ENDOV: variants seen among roughly 807,000 people sequenced by gnomAD.
The protein encoded by ENDOV is endonuclease V.
Under a neutral mutation model 39.4 loss-of-function variants are expected in ENDOV, and 37 were observed. The ratio of observed to expected loss-of-function variants is 0.94; its 90% CI spans 0.72 to 1.23. The LOEUF (loss-of-function observed/expected upper bound fraction) is 1.23. ENDOV is among the 50% of genes most tolerant of loss of function. The pLI is 0.00. For synonymous variants in ENDOV, 186 were observed against 163.4 expected (o/e 1.14, Z -1.05); for missense variants, 441 against 375.7 (o/e 1.17, Z -1.44).
chr17:80,425,711 C>G, intron 7 of ENDOV, 91 bp downstream of exon 7: 1 of 1,513,460 alleles, frequency 6.6e-7, no homozygotes, highest in Non-Finnish European at 8.8e-7. Context: ...CAGCTGGGGT[C>G]AGAGTGCAGT....
chr17:80,419,966 T>G (rs2081772042), intron 2 of ENDOV: 1 of 363,614 alleles, frequency 2.8e-6, no homozygotes, highest in Non-Finnish European at 5.1e-6. Context: ...ATTTTTCTTT[T>G]CCCAGATTTT....
At chr17:80,427,789 G>A (rs1378143926) in intron 7 of ENDOV, 1 of 1,289,010 alleles carries the variant, frequency 7.8e-7, no homozygotes, top group Non-Finnish European at 1.0e-6. Flanking sequence ...AGGCGCTGCG[G>A]CGCTCCTGGT....
Position 80,432,381 on chromosome 17 carries a change from C to T in ENDOV, c.838+2550C>T, listed in dbSNP as rs111885773. On this transcript the variant is annotated intron_variant, in intron 9 of 9. Coordinates refer to ENST00000518137, the MANE Select transcript of ENDOV (RefSeq NM_173627.5). ...TGGCAAGGATCTGCCTCCCAGCACC[C>T]CTGTGGAGTCCTGTCTGGATGGGAG... Among the ~76,000 whole-genome samples the T allele has an allele frequency of 9.6e-3, 1,458 of 152,140 alleles. 13 individuals carry two copies. Among genetic ancestry groups the T allele is most frequent in the Non-Finnish European group, 0.016 (1,072 of 67,968 alleles).
At chr17:80,419,932 G>GC in intron 2 of ENDOV, 2 of 472,256 alleles carry the variant, frequency 4.2e-6, no homozygotes, top group South Asian at 6.4e-5. Context: ...ATCCAGACCT[G>GC]CCCCCTACGC....
At chr17:80,427,945 G>A (rs1022564045) in intron 7 of ENDOV, 12 of 1,123,942 alleles carry the variant, frequency 1.1e-5, no homozygotes, top group South Asian at 4.5e-5. Context: ...TCCATGAGTC[G>A]TGCAGCCCTG....
chr17:80,421,794 T>C (rs1240102099), intron 2 of ENDOV, 34 bp from the exon 3 acceptor site: 2 of 1,573,410 alleles, frequency 1.3e-6, no homozygotes, highest in Non-Finnish European at 1.7e-6. Context: ...GGCCGAAGGC[T>C]GTGCTTCCCA....
chr17:80,430,724 G>T (rs2083282695), intron 9 of ENDOV, among the ~76,000 whole-genome samples: 1 of 152,210 alleles, frequency 6.6e-6, no homozygotes, highest in Admixed American at 6.5e-5. Context: ...TGGGTGCCAG[G>T]CTCTGTGCCC....
Position 80,415,742 on chromosome 17 carries a change from G to T in ENDOV, c.149G>T (p.Gly50Val), listed in dbSNP as rs1474118673. Residue 50 changes from glycine (G) to valine (V), a missense_variant, in exon 2 of 10, where the codon GGC (glycine) becomes GTC (valine). Coordinates refer to ENST00000518137, the MANE Select transcript of ENDOV (RefSeq NM_173627.5). ...TTCTCGGGTCTGCAGAGGGTCGGGG[G>T]CGTTGACGTGTCCTTCGTGAAAGGG... ...PAFSGLQRVGGVDVSFVKGDS... is the reference protein window; with the variant it reads ...PAFSGLQRVGVVDVSFVKGDS... 2 of 1,607,138 alleles carry T rather than the reference G, an allele frequency of 1.2e-6. No homozygotes were observed. The highest frequency in any genetic ancestry group is 1.3e-5 in the African/African-American group (1 of 74,836).
chr17:80,432,615 A>T (rs1397082942), intron 9 of ENDOV, among the ~76,000 whole-genome samples: 1 of 151,928 alleles, frequency 6.6e-6, no homozygotes, highest in African/African-American at 2.4e-5. Context: ...CGCTCTGGGG[A>T]CCCCTCATGC....
chr17:80,425,779 C>T (rs2082623620), intron 7 of ENDOV, among the ~76,000 whole-genome samples, 159 bp downstream of exon 7: 1 of 152,166 alleles, frequency 6.6e-6, no homozygotes. Context: ...TGCTGGAGAG[C>T]TTGCTGGGCC....
At chr17:80,430,498 C>G in intron 9 of ENDOV, 2 of 712,846 alleles carry the variant, frequency 2.8e-6, no homozygotes, top group African/African-American at 1.8e-5. Flanking sequence ...TGCCCTGACA[C>G]GGGAGGGGTC....
intron 8 of ENDOV, among the ~76,000 whole-genome samples, chr17:80,429,078 C>T (rs2083089087): frequency 1.3e-5 from 2 of 152,254 alleles, no homozygotes; most frequent in Admixed American, 6.5e-5. Context: ...CGAGCCTCAG[C>T]TTCCTCATCG....
At position 80,423,947 on chromosome 17, in the gene ENDOV, T is replaced by C. The variant is rs893782191; in HGVS notation, c.516+315T>C. 4 of 419,746 alleles carry C rather than the reference T, an allele frequency of 9.5e-6. No individual in the cohort carries two copies. In the Admixed American group the frequency reaches 1.3e-4, roughly 13 times the overall value. The allele number at this position is 419,746 out of a possible 1,614,324, so 26.0% of individuals were successfully genotyped here. On this transcript the variant is annotated intron_variant, in intron 5 of 9. Coordinates refer to ENST00000518137, the MANE Select transcript of ENDOV (RefSeq NM_173627.5). The stretch of plus-strand genomic sequence containing the variant: ...CTGGGGACAGGACGGGCTTCCAGGC[T>C]GTCCCGGGCGCACTTGGTGCTTTCC...
At chr17:80,415,538 T>A in intron 1 of ENDOV, 112 bp from the exon 2 acceptor site, 2 of 1,365,096 alleles carry the variant, frequency 1.5e-6, no homozygotes, top group Non-Finnish European at 2.0e-6. Flanking sequence ...TTGCTTTCCC[T>A]TGAAGCGGGA....
Position 80,425,611 on chromosome 17 carries a change from C to A in ENDOV, c.705C>A (p.Pro235=). Residue 235 remains proline (P), a synonymous_variant, in exon 7 of 10, where the codon CCC becomes CCA. Transcript: ENST00000518137. The part of the protein sequence containing the change: ...CCCCRFRIPE[P]VRQADICSRE... ...GCTGCAGGTTCCGGATCCCAGAGCC[C>A]GTGCGCCAGGTGGGTGTGCTGGGGA... The A allele has an allele frequency of 6.3e-7, 1 of 1,583,586 alleles. No individual in the cohort carries two copies. The highest frequency in any genetic ancestry group is 8.5e-7 in the Non-Finnish European group (1 of 1,171,136).
In ENDOV at chr17:80,436,531, C is replaced by A; in HGVS notation, c.*388C>A. The A allele has an allele frequency of 2.4e-6, 1 of 414,868 alleles. No individual in the cohort carries two copies. Among genetic ancestry groups the A allele is most frequent in the Non-Finnish European group, 4.1e-6 (1 of 243,514 alleles). 25.7% of individuals were successfully genotyped at this position (414,868 alleles called of 1,614,324 possible). ...CTTTTCTGGCCTCTATTGAAAAGAT[C>A]CTGTGTTCTTCTGTGAATATGAGGT... On this transcript the variant is annotated 3_prime_UTR_variant, in exon 10 of 10. Coordinates refer to ENST00000518137, the MANE Select transcript of ENDOV (RefSeq NM_173627.5).
chr17:80,436,420 G>A lies in ENDOV; in HGVS notation c.*277G>A. On this transcript the variant is annotated 3_prime_UTR_variant, in exon 10 of 10. Coordinates refer to ENST00000518137, the MANE Select transcript of ENDOV (RefSeq NM_173627.5). The stretch of plus-strand genomic sequence containing the variant: ...TGTGAGCTGTTAGATTTTCAAGGAT[G>A]CTCTTCATCCAGCTGAAGACGGTCC... 7.5e-7 allele frequency: 1 copy of A among 1,335,846 alleles called. No individual in the cohort carries two copies. The highest frequency in any genetic ancestry group is 2.3e-5 in the Admixed American group (1 of 42,622). 82.7% of individuals were successfully genotyped at this position (1,335,846 alleles called of 1,614,324 possible).
At chr17:80,431,797 G>A (rs2145134758) in intron 9 of ENDOV, among the ~76,000 whole-genome samples, 1 of 152,342 alleles carries the variant, frequency 6.6e-6, no homozygotes, top group South Asian at 2.1e-4. Context: ...CTAGTGGATG[G>A]GGACGGCTCA....
chr17:80,419,459 C>T, intron 2 of ENDOV: 4 of 640,068 alleles, frequency 6.2e-6, no homozygotes, highest in South Asian at 1.7e-5. Flanking sequence ...AGATGCTGAG[C>T]GATGGCTGGT....
Sources: allele counts gnomAD v4.1 joint callset (sites outside exome capture counted in the v4.1 genomes callset), GRCh38; gene constraint gnomAD v4.1.1; transcripts MANE v1.5; gene names NCBI Gene and HGNC (gene_info 2026-07-23, HGNC 2026-07-21).